Variants in FREM3 observed in about 807,000 individuals in gnomAD.
FREM3 encodes FRAS1-related extracellular matrix protein 3.
FREM3 carries 105 observed loss-of-function variants against 129.1 expected under a neutral mutation model. That is an observed-to-expected ratio of 0.81 (90% CI 0.69 to 0.96). The LOEUF is 0.96. Ranked by LOEUF, FREM3 falls within the 40% of genes least tolerant of loss-of-function variation. FREM3 has a pLI of 0.00. For synonymous variants in FREM3, 1,014 were observed against 1,044.9 expected (o/e 0.97, Z 0.57); for missense variants, 2,593 against 2,666.3 (o/e 0.97, Z 0.61).
intron 5 of FREM3, among the ~76,000 whole-genome samples, chr4:143,616,718 G>A (rs1014905063): frequency 4.6e-5 from 7 of 151,920 alleles, no homozygotes; most frequent in South Asian, 2.1e-4. Context: ...GCGTGAACCC[G>A]GGAGGCGGAG....
chr4:143,642,996 G>T (rs1188224251), intron 2 of FREM3, among the ~76,000 whole-genome samples: 1 of 152,108 alleles, frequency 6.6e-6, no homozygotes, highest in African/African-American at 2.4e-5. Flanking sequence ...TATACAAATG[G>T]CCAACGGGTA....
At position 143,700,286 on chromosome 4, in the gene FREM3, G is replaced by A; in HGVS notation, c.390C>T (p.Gly130=). Reference sequence around the variant, plus strand: ...CCCGGGCGCGTCCGGGGCTGTGGGAGCCGAAGTGAGTGTACTGGACTTGGC... The same window carrying A: ...CCCGGGCGCGTCCGGGGCTGTGGGAACCGAAGTGAGTGTACTGGACTTGGC... ...GPRQVQYTHF[G]SHSPGRARVL... is the part of the protein sequence containing the mutation. Residue 130 remains glycine, a synonymous_variant, in exon 1 of 8, where the codon GGC becomes GGT. Coordinates refer to ENST00000329798, the MANE Select transcript of FREM3 (RefSeq NM_001168235.2). 2 of 1,536,368 alleles carry A rather than the reference G, an allele frequency of 1.3e-6. No individual in the cohort carries two copies. The highest frequency in any genetic ancestry group is 2.0e-5 in the Admixed American group (1 of 50,996).
chr4:143,699,104 C>A lies in FREM3; in HGVS notation c.1572G>T (p.Gly524=). 6.5e-7 allele frequency: 1 copy of A among 1,537,348 alleles called. No individual in the cohort carries two copies. The highest frequency in any genetic ancestry group is 8.7e-7 in the Non-Finnish European group (1 of 1,146,938). Residue 524 remains glycine, a synonymous_variant, in exon 1 of 8, where the codon GGG becomes GGT. Coordinates refer to ENST00000329798, the MANE Select transcript of FREM3 (RefSeq NM_001168235.2). This position sits in a 1 kb window ranked among gnomAD's most constrained non-coding sequence, Gnocchi z 4.2. ...GAAAGAGGAAGTCCACTTGGTGGTG[C>A]CCGTCCTCCATCCGGAAGATGATAT... ...SDNIIFRMED[G]HHQVDFLFPL...
At chr4:143,625,413 A>G (rs1739022685) in intron 3 of FREM3, among the ~76,000 whole-genome samples, 2 of 152,208 alleles carry the variant, frequency 1.3e-5, no homozygotes, top group Admixed American at 1.3e-4. Context: ...TACTCAAATA[A>G]TCTGAAACTT....
At chr4:143,677,139 A>G (rs1261905321) in intron 2 of FREM3, among the ~76,000 whole-genome samples, 1 of 152,234 alleles carries the variant, frequency 6.6e-6, no homozygotes, top group African/African-American at 2.4e-5. Flanking sequence ...CTGACTTCAG[A>G]CTATACTACA....
intron 6 of FREM3, among the ~76,000 whole-genome samples, chr4:143,608,026 C>T (rs1454690707): frequency 6.6e-6 from 1 of 152,138 alleles, no homozygotes; most frequent in African/African-American, 2.4e-5. Context: ...GTCATCAGCT[C>T]CCCTTTTTCT....
Position 143,700,103 on chromosome 4 carries a change from T to C in FREM3, c.573A>G (p.Arg191=). ...LRSWSRAIDR[R]VLDFASLKSG... is the part of the protein sequence containing the mutation. Reference sequence around the variant, plus strand: ...ACTTCAGGGAGGCGAAGTCCAGCACTCTCCTGTCTATGGCGCGGCTCCAGC... The same window carrying C: ...ACTTCAGGGAGGCGAAGTCCAGCACCCTCCTGTCTATGGCGCGGCTCCAGC... Residue 191 remains arginine, a synonymous_variant, in exon 1 of 8, where the codon AGA becomes AGG. Coordinates refer to ENST00000329798, the MANE Select transcript of FREM3 (RefSeq NM_001168235.2). 1 of 1,536,794 alleles carries C rather than the reference T, an allele frequency of 6.5e-7. No individual in the cohort carries two copies. The highest frequency in any genetic ancestry group is 8.7e-7 in the Non-Finnish European group (1 of 1,146,720).
intron 2 of FREM3, among the ~76,000 whole-genome samples, chr4:143,630,481 C>A (rs1739116958): frequency 6.6e-6 from 1 of 152,078 alleles, no homozygotes; most frequent in Non-Finnish European, 1.5e-5. Flanking sequence ...TATATTTTGC[C>A]TGCCCCCATA....
chr4:143,579,769 A>G (rs566813100), intron 7 of FREM3, among the ~76,000 whole-genome samples: 6 of 152,354 alleles, frequency 3.9e-5, no homozygotes, highest in African/African-American at 9.6e-5. Flanking sequence ...ATACATATAT[A>G]CATAAGATTA....
rs1444563542 is a variant in FREM3, at chr4:143,627,824, A to C, written c.5276-64T>G. 4.6e-6 allele frequency: 5 copies of C among 1,075,758 alleles called. No individual in the cohort carries two copies. In the African/African-American group the frequency reaches 7.9e-5, roughly 17 times the overall value. 66.6% of individuals were successfully genotyped at this position (1,075,758 alleles called of 1,614,324 possible). A position where few individuals can be genotyped will look rare whatever the true frequency, so the allele number is the denominator to read the frequency against. ...ATTTGATGGCAATATTCAATGATCA[A>C]TGTGTGCATTTTACTTCTGAAACCA... On this transcript the variant is annotated intron_variant, in intron 2 of 7. Coordinates refer to ENST00000329798, the MANE Select transcript of FREM3 (RefSeq NM_001168235.2).
chr4:143,664,158 G>T (rs546376207), intron 2 of FREM3, among the ~76,000 whole-genome samples: 34 of 152,202 alleles, frequency 2.2e-4, no homozygotes, highest in African/African-American at 8.2e-4. Flanking sequence ...GAGGAGAGGC[G>T]CTCTGGTTTT....
At chr4:143,656,291 A>T (rs965994808) in intron 2 of FREM3, among the ~76,000 whole-genome samples, 1 of 152,128 alleles carries the variant, frequency 6.6e-6, no homozygotes, top group South Asian at 2.1e-4. Flanking sequence ...ACTATCTTTC[A>T]TTTCTAGGTG....
At position 143,624,370 on chromosome 4, in the gene FREM3, A is replaced by G. The variant is rs754953896; in HGVS notation, c.5423-32T>C. On this transcript the variant is annotated intron_variant, in intron 3 of 7. Transcript: ENST00000329798. ...AAAAATCAGAAAACTATAAATATAA[A>G]GCCAAGTGACTGAAGGCATAGTCTC... 3.0e-5 allele frequency: 41 copies of G among 1,354,836 alleles called. No individual in the cohort carries two copies. In the South Asian group the frequency reaches 4.6e-4, roughly 15 times the overall value. 83.9% of individuals were successfully genotyped at this position (1,354,836 alleles called of 1,614,324 possible).
At chr4:143,580,476 G>A (rs1386586063) in intron 7 of FREM3, among the ~76,000 whole-genome samples, 1 of 152,166 alleles carries the variant, frequency 6.6e-6, no homozygotes, top group Middle Eastern at 3.2e-3. Flanking sequence ...GTGGAGACTG[G>A]GCAGAGCTAA....
intron 4 of FREM3, among the ~76,000 whole-genome samples, chr4:143,623,047 C>CA (rs1166150678): frequency 2.6e-5 from 4 of 152,154 alleles, no homozygotes; most frequent in Non-Finnish European, 5.9e-5. Context: ...AAGTGCAGAG[C>CA]ATATGAACAC....
At chr4:143,622,345 C>T (rs557275314) in intron 4 of FREM3, among the ~76,000 whole-genome samples, 44 of 150,622 alleles carry the variant, frequency 2.9e-4, no homozygotes, top group African/African-American at 3.6e-4. Flanking sequence ...CTGCCTGCCT[C>T]GGCCTCCTAA....
At chr4:143,683,161 C>T (rs1430241494) in intron 2 of FREM3, among the ~76,000 whole-genome samples, 2 of 152,140 alleles carry the variant, frequency 1.3e-5, no homozygotes, top group Non-Finnish European at 2.9e-5. Flanking sequence ...TGGAGAGAGG[C>T]GGATGATCAT....
chr4:143,675,903 C>G (rs1437360032), intron 2 of FREM3, among the ~76,000 whole-genome samples: 2 of 152,058 alleles, frequency 1.3e-5, no homozygotes, highest in Non-Finnish European at 2.9e-5. Flanking sequence ...TAATTAATAG[C>G]TTACCAACCA....
chr4:143,647,178 T>C (rs1739432740), intron 2 of FREM3, among the ~76,000 whole-genome samples: 1 of 152,180 alleles, frequency 6.6e-6, no homozygotes, highest in Admixed American at 6.5e-5. Context: ...CTGGTGGCAC[T>C]TTGCCTCTGC....
Sources: allele counts gnomAD v4.1 joint callset (sites outside exome capture counted in the v4.1 genomes callset), GRCh38; gene constraint gnomAD v4.1.1; non-coding constraint Gnocchi (gnomAD v3.1); transcripts MANE v1.5; gene names NCBI Gene and HGNC (gene_info 2026-07-23, HGNC 2026-07-21).